Variants in FGD6 observed in about 807,000 individuals in gnomAD.
The protein encoded by FGD6 is FYVE, RhoGEF and PH domain containing 6.
FGD6 carries 90 observed loss-of-function variants against 149.4 expected under a neutral mutation model. The observed-to-expected ratio is 0.60, with a 90% CI of 0.51 to 0.72. The LOEUF (loss-of-function observed/expected upper bound fraction) is 0.72, where lower values mean the gene tolerates loss of function less well. FGD6 is among the 30% of genes least tolerant of loss of function. FGD6 has a pLI of 0.00. For missense variants in FGD6, 1,437 were observed against 1,684.8 expected, an observed-to-expected ratio of 0.85 and a Z score of 2.57; for synonymous variants, 527 against 584.0, an observed-to-expected ratio of 0.90 and a Z score of 1.41.
intron 1 of FGD6, among the ~76,000 whole-genome samples, chr12:95,211,510 G>C (rs893228209): frequency 6.6e-6 from 1 of 150,604 alleles, no homozygotes; most frequent in African/African-American, 2.4e-5. Context: ...TCCAGCTTTG[G>C]AACTGTTACC....
intron 2 of FGD6, among the ~76,000 whole-genome samples, chr12:95,201,955 TACACACACACACACACACACAC>T (rs71078621): frequency 8.9e-5 from 13 of 146,562 alleles, no homozygotes; most frequent in African/African-American, 1.7e-4. Flanking sequence ...CAGGACAGAA[TACACACACACACACACACACAC>T]ACACACACAC....
chr12:95,210,725 A>T lies in FGD6; in HGVS notation c.559T>A (p.Leu187Ile). ...SVLEEELKDA[L>I]IHQMPPFISA... is the part of the protein sequence containing the mutation. Reference sequence around the variant, plus strand: ...ATAAAAGGTGGCATTTGGTGTATTAAGGCATCTTTGAGCTCCTCTTCTAAA... The same window carrying T: ...ATAAAAGGTGGCATTTGGTGTATTATGGCATCTTTGAGCTCCTCTTCTAAA... Residue 187 changes from leucine to isoleucine, a missense_variant, in exon 2 of 21, where the codon TTA (leucine) becomes ATA (isoleucine). Leu to Ile is a conservative substitution (Grantham distance 5, BLOSUM62 2). Coordinates refer to ENST00000343958, the MANE Select transcript of FGD6 (RefSeq NM_018351.4). 1 of 1,614,002 alleles carries T rather than the reference A, an allele frequency of 6.2e-7. No homozygotes were observed.
In FGD6 at chr12:95,077,569, G is replaced by A. The variant is rs1380027007; in HGVS notation, c.*3951C>T. ...AAGCCACTGAGGCATGTAAAAGTGGGGATGAAACTAGATTAGAGCTATGTT... is the reference window on the plus strand; with the variant it reads ...AAGCCACTGAGGCATGTAAAAGTGGAGATGAAACTAGATTAGAGCTATGTT... On this transcript the variant is annotated 3_prime_UTR_variant, in exon 21 of 21. Coordinates refer to ENST00000343958, the MANE Select transcript of FGD6 (RefSeq NM_018351.4). 2 of 152,214 alleles carry A rather than the reference G, an allele frequency of 1.3e-5. No individual in the cohort carries two copies. The highest frequency in any genetic ancestry group is 2.4e-5 in the African/African-American group (1 of 41,442). The allele number at this position is 152,214 out of a possible 1,614,324, so 9.4% of individuals were successfully genotyped here.
At chr12:95,124,832 A>C (rs548776101) in intron 8 of FGD6, among the ~76,000 whole-genome samples, 1 of 152,322 alleles carries the variant, frequency 6.6e-6, no homozygotes, top group African/African-American at 2.4e-5. Context: ...TTATCACCAC[A>C]GATATTTTTA....
At chr12:95,195,383 A>G (rs1881710584) in intron 2 of FGD6, among the ~76,000 whole-genome samples, 1 of 152,098 alleles carries the variant, frequency 6.6e-6, no homozygotes, top group African/African-American at 2.4e-5. Context: ...CCTTCAGAGC[A>G]GCATCACACC....
Position 95,108,349 on chromosome 12 carries a change from C to T in FGD6, c.3263G>A (p.Arg1088Gln), listed in dbSNP as rs756487274. Residue 1088 changes from arginine to glutamine, a missense_variant and splice_region_variant, in exon 11 of 21, where the codon CGG (arginine) becomes CAG (glutamine). Physicochemically the swap from Arg to Gln is conservative, Grantham distance 43. This residue lies in a region of FGD6 where 382 missense variants were observed against 538.7 expected (regional missense o/e 0.71). Transcript: ENST00000343958. ...NGHHEIVQPG[R>Q]VFLKEGILMK... ...CGAAAAGCAATGTAAAATGCTTACC[C>T]GACCAGGCTGCACAATTTCATGGTG... The T allele has an allele frequency of 7.4e-6, 12 of 1,613,430 alleles. No homozygotes were observed. The highest frequency in any genetic ancestry group is 1.7e-5 in the Admixed American group (1 of 59,964).
intron 3 of FGD6, among the ~76,000 whole-genome samples, 189 bp from the exon 4 acceptor site, chr12:95,153,182 T>G (rs138607650): frequency 7.2e-4 from 110 of 152,320 alleles, no homozygotes; most frequent in African/African-American, 2.5e-3. Flanking sequence ...CAGGAATAGC[T>G]GAGAGCAATC....
At chr12:95,172,785 TAAG>T (rs771839378) in intron 2 of FGD6, 41 bp from the exon 3 acceptor site, 3 of 1,494,274 alleles carry the variant, frequency 2.0e-6, no homozygotes, top group South Asian at 1.4e-5. Context: ...CCTTCAATAA[TAAG>T]AAGTGCTAGC....
intron 3 of FGD6, among the ~76,000 whole-genome samples, chr12:95,159,554 T>G (rs1384166643): frequency 6.6e-6 from 1 of 152,244 alleles, no homozygotes; most frequent in Admixed American, 6.5e-5. Flanking sequence ...AGAACTCTGA[T>G]AGGGCTGGGA....
At chr12:95,161,313 T>C (rs1880634638) in intron 3 of FGD6, among the ~76,000 whole-genome samples, 1 of 152,090 alleles carries the variant, frequency 6.6e-6, no homozygotes, top group South Asian at 2.1e-4. Context: ...CTGGCCAACA[T>C]GGTAAAACCC....
intron 3 of FGD6, among the ~76,000 whole-genome samples, chr12:95,159,341 T>A (rs1405092798): frequency 1.3e-5 from 2 of 152,098 alleles, no homozygotes; most frequent in African/African-American, 4.8e-5. Context: ...TTTTAAAAAA[T>A]CCTTATGATC....
intron 9 of FGD6, among the ~76,000 whole-genome samples, chr12:95,109,391 G>A (rs1206871705): frequency 1.3e-5 from 2 of 152,148 alleles, no homozygotes; most frequent in Non-Finnish European, 2.9e-5. Flanking sequence ...CCTTTGGTGG[G>A]TAGGAGGCAG....
chr12:95,186,744 G>A (rs1402101796), intron 2 of FGD6, among the ~76,000 whole-genome samples: 1 of 152,074 alleles, frequency 6.6e-6, no homozygotes, highest in Non-Finnish European at 1.5e-5. Context: ...GCTGATCCTT[G>A]GTACAGCAGA....
intron 2 of FGD6, among the ~76,000 whole-genome samples, chr12:95,197,129 C>A (rs1565921685): frequency 1.3e-5 from 2 of 152,048 alleles, no homozygotes; most frequent in Non-Finnish European, 2.9e-5. Context: ...GTATCCAGGT[C>A]CTACTCTCTC....
chr12:95,121,047 G>A (rs959081109), intron 8 of FGD6, among the ~76,000 whole-genome samples: 1 of 151,882 alleles, frequency 6.6e-6, no homozygotes, highest in African/African-American at 2.4e-5. Context: ...TTTTTACTTT[G>A]ACTGTATTTT....
At chr12:95,113,996 C>A (rs1267196246) in intron 8 of FGD6, among the ~76,000 whole-genome samples, 4 of 152,174 alleles carry the variant, frequency 2.6e-5, no homozygotes, top group East Asian at 1.9e-4. Flanking sequence ...GCAGAGCCAG[C>A]ATGAGAATTC....
At chr12:95,137,785 T>G in intron 6 of FGD6, 107 bp from the exon 7 acceptor site, 1 of 742,966 alleles carries the variant, frequency 1.3e-6, no homozygotes, top group Non-Finnish European at 1.9e-6. Flanking sequence ...TTTTTTTCTC[T>G]TCTTGTAAGA....
intron 3 of FGD6, among the ~76,000 whole-genome samples, chr12:95,171,180 G>C (rs1880978236): frequency 6.6e-6 from 1 of 152,156 alleles, no homozygotes; most frequent in African/African-American, 2.4e-5. Flanking sequence ...CCAGATCATA[G>C]CTGGTGGATC....
intron 16 of FGD6, 112 bp downstream of exon 16, chr12:95,092,587 G>T: frequency 2.8e-6 from 3 of 1,068,350 alleles, no homozygotes; most frequent in Admixed American, 5.5e-5. Context: ...AATAATAATA[G>T]TTATTGTTAT....
Sources: allele counts gnomAD v4.1 joint callset (sites outside exome capture counted in the v4.1 genomes callset), GRCh38; gene constraint gnomAD v4.1.1; regional missense constraint gnomAD v4.1.1; transcripts MANE v1.5; gene names NCBI Gene and HGNC (gene_info 2026-07-23, HGNC 2026-07-21).